SUPT3H: variants seen among roughly 807,000 people sequenced by gnomAD.
SUPT3H encodes SPT3 homolog, SAGA and STAGA complex component, also known as transcription initiation protein SPT3 homolog.
A neutral mutation model predicts 44.3 loss-of-function variants in SUPT3H; 44 were observed. That is an observed-to-expected ratio of 0.99 (90% CI 0.78 to 1.28). The LOEUF is 1.28. Among genes scored for constraint, SUPT3H ranks in the 50% most tolerant of loss-of-function variants. The pLI, the probability that SUPT3H is intolerant of heterozygous loss-of-function variation, is 0.00. For synonymous variants in SUPT3H, 124 were observed against 125.6 expected, an observed-to-expected ratio of 0.99 and a Z score of 0.09; for missense variants, 380 against 387.1, an observed-to-expected ratio of 0.98 and a Z score of 0.15.
intron 2 of SUPT3H, among the ~76,000 whole-genome samples, chr6:45,112,652 G>A (rs961632230): frequency 1.2e-4 from 19 of 152,100 alleles, no homozygotes; most frequent in Admixed American, 2.0e-4. Flanking sequence ...TCTAACAGAG[G>A]GGAAGGGCTG....
chr6:44,923,893 G>C (rs909143127), intron 10 of SUPT3H, among the ~76,000 whole-genome samples: 1 of 152,004 alleles, frequency 6.6e-6, no homozygotes, highest in Non-Finnish European at 1.5e-5. Context: ...GTAGACTCAT[G>C]ATGTTATGCT....
intron 2 of SUPT3H, among the ~76,000 whole-genome samples, chr6:45,241,795 A>C (rs1351960608): frequency 6.6e-6 from 1 of 152,210 alleles, no homozygotes; most frequent in Non-Finnish European, 1.5e-5. Context: ...GGGAAAAAGA[A>C]AGGTAACTAG....
chr6:45,168,224 G>A (rs760310615), intron 2 of SUPT3H, among the ~76,000 whole-genome samples: 21 of 152,122 alleles, frequency 1.4e-4, no homozygotes, highest in Non-Finnish European at 2.5e-4. Flanking sequence ...GGGCACTACT[G>A]CTTTCTAGGA....
chr6:45,166,104 G>A (rs1809794532), intron 2 of SUPT3H, among the ~76,000 whole-genome samples: 1 of 152,072 alleles, frequency 6.6e-6, no homozygotes, highest in South Asian at 2.1e-4. Context: ...ACCAGCCAAG[G>A]TAACACAGGG....
intron 2 of SUPT3H, among the ~76,000 whole-genome samples, chr6:45,187,906 GTCAACTGT>G (rs1814514126): frequency 6.6e-6 from 1 of 152,170 alleles, no homozygotes; most frequent in Non-Finnish European, 1.5e-5. Flanking sequence ...GTTATCTACT[GTCAACTGT>G]GGTCAGAAAA....
chr6:45,148,882 T>A (rs1342203658), intron 2 of SUPT3H, among the ~76,000 whole-genome samples: 1 of 152,158 alleles, frequency 6.6e-6, no homozygotes, highest in Non-Finnish European at 1.5e-5. Flanking sequence ...TGCTGACTTG[T>A]AGGAGCAAAT....
At chr6:45,296,763 A>AAAG (rs773626169) in intron 2 of SUPT3H, among the ~76,000 whole-genome samples, 6,245 of 125,040 alleles carry the variant, frequency 0.05, 674 homozygotes, top group East Asian at 0.13. Context: ...AAAAAAAAAA[A>AAAG]ATTACAAATA....
intron 6 of SUPT3H, 89 bp downstream of exon 6, chr6:45,003,561 GACA>G: frequency 7.0e-7 from 1 of 1,428,326 alleles, no homozygotes; most frequent in Non-Finnish European, 9.4e-7. Context: ...AGAGATTTCA[GACA>G]ACATTTAAAG....
At chr6:45,236,358 G>A (rs951435923) in intron 2 of SUPT3H, among the ~76,000 whole-genome samples, 2 of 152,080 alleles carry the variant, frequency 1.3e-5, no homozygotes, top group African/African-American at 4.8e-5. Flanking sequence ...TGAGTAAAAA[G>A]GGGAGCTCAG....
At chr6:44,960,986 C>T (rs1402805218) in intron 7 of SUPT3H, among the ~76,000 whole-genome samples, 20 of 151,914 alleles carry the variant, frequency 1.3e-4, no homozygotes, top group Admixed American at 1.3e-3. Context: ...TTAAAGACAC[C>T]ATTGTTTCTA....
At chr6:45,068,977 C>CAAAAAAAAAAAAAA (rs367995110) in intron 3 of SUPT3H, among the ~76,000 whole-genome samples, 1 of 111,132 alleles carries the variant, frequency 9.0e-6, no homozygotes. Context: ...TTTTACTTTG[C>CAAAAAAAAAAAAAA]AAAAAAAAAA....
At chr6:45,296,870 G>A (rs1349526024) in intron 2 of SUPT3H, among the ~76,000 whole-genome samples, 13 of 124,602 alleles carry the variant, frequency 1.0e-4, no homozygotes, top group Admixed American at 2.5e-4. Flanking sequence ...CCTGTGCCCC[G>A]TGGAGATCAT....
At chr6:45,078,345 A>G (rs1443982603) in intron 3 of SUPT3H, among the ~76,000 whole-genome samples, 1 of 152,180 alleles carries the variant, frequency 6.6e-6, no homozygotes, top group African/African-American at 2.4e-5. Flanking sequence ...GCCTTAATTT[A>G]CATTTTTATT....
chr6:44,984,568 C>A (rs1779518879), intron 6 of SUPT3H, among the ~76,000 whole-genome samples: 1 of 152,054 alleles, frequency 6.6e-6, no homozygotes, highest in African/African-American at 2.4e-5. Flanking sequence ...TATTTAGCAT[C>A]TTTGCGATCC....
intron 2 of SUPT3H, among the ~76,000 whole-genome samples, chr6:45,224,721 T>C (rs2153637053): frequency 6.6e-6 from 1 of 150,616 alleles, no homozygotes; most frequent in East Asian, 2.0e-4. Flanking sequence ...GAGGTTGCAG[T>C]GAGCTGAGAT....
chr6:44,989,844 G>A (rs1780355399), intron 6 of SUPT3H, among the ~76,000 whole-genome samples: 1 of 151,518 alleles, frequency 6.6e-6, no homozygotes, highest in Non-Finnish European at 1.5e-5. Flanking sequence ...TTTTTTAATT[G>A]GGTTGTTATT....
intron 2 of SUPT3H, among the ~76,000 whole-genome samples, chr6:45,201,159 C>T (rs895784126): frequency 6.6e-6 from 1 of 151,498 alleles, no homozygotes; most frequent in Non-Finnish European, 1.5e-5. Flanking sequence ...GTGAATGATA[C>T]GGGTAACATA....
chr6:45,180,495 GCA>G (rs1218951834), intron 2 of SUPT3H, among the ~76,000 whole-genome samples: 19 of 76,934 alleles, frequency 2.5e-4, no homozygotes, highest in African/African-American at 1.4e-3. Context: ...AACCAAAACA[GCA>G]TGGTACTGGT....
intron 2 of SUPT3H, among the ~76,000 whole-genome samples, chr6:45,127,561 T>C (rs894965488): frequency 6.6e-6 from 1 of 152,210 alleles, no homozygotes; most frequent in Non-Finnish European, 1.5e-5. Context: ...AAACAAAGAC[T>C]CTAAATCCAG....
Sources: gnomAD v4.1 joint callset for allele counts (sites outside exome capture counted in the v4.1 genomes callset) on GRCh38, gnomAD v4.1.1 for gene constraint, MANE v1.5 for transcripts, NCBI Gene and HGNC (gene_info 2026-07-23, HGNC 2026-07-21) for gene names.